TAFA1: variants seen among roughly 807,000 people sequenced by gnomAD.
The protein encoded by TAFA1 is chemokine-like protein TAFA-1.
A neutral mutation model predicts 18.5 loss-of-function variants in TAFA1; 4 were observed. That is an observed-to-expected ratio of 0.22 (90% CI 0.11 to 0.49). TAFA1 has a LOEUF of 0.49. Ranked by LOEUF, TAFA1 falls within the 20% of genes least tolerant of loss-of-function variation. The probability of loss-of-function intolerance (pLI) is 0.98; values close to 1 mark genes in which losing one functional copy is unlikely to be tolerated. For missense variants in TAFA1, 147 were observed against 169.0 expected, an observed-to-expected ratio of 0.87 and a Z score of 0.72; for synonymous variants, 56 against 55.2, an observed-to-expected ratio of 1.01 and a Z score of -0.06.
chr3:68,324,941 C>G (rs1476526280), intron 2 of TAFA1, among the ~76,000 whole-genome samples: 2 of 152,142 alleles, frequency 1.3e-5, no homozygotes, highest in African/African-American at 4.8e-5. Flanking sequence ...AAAGTTGTCT[C>G]ATTTTGCCAG....
At chr3:68,177,409 C>T (rs2066139481) in intron 2 of TAFA1, among the ~76,000 whole-genome samples, 1 of 152,146 alleles carries the variant, frequency 6.6e-6, no homozygotes, top group Admixed American at 6.5e-5. Context: ...GAAAAAAGTC[C>T]TGGAATTCTG....
At chr3:68,463,870 A>G (rs2071832787) in intron 3 of TAFA1, among the ~76,000 whole-genome samples, 1 of 152,164 alleles carries the variant, frequency 6.6e-6, no homozygotes, top group Admixed American at 6.6e-5. Flanking sequence ...AGCCATCTTG[A>G]GTAAAATGGA....
At chr3:68,157,492 A>G (rs1282400698) in intron 2 of TAFA1, among the ~76,000 whole-genome samples, 1 of 152,244 alleles carries the variant, frequency 6.6e-6, no homozygotes, top group Non-Finnish European at 1.5e-5. Flanking sequence ...CAGGAAAAAA[A>G]ATACAGTTTT....
chr3:68,128,484 G>A (rs544812951), intron 2 of TAFA1, among the ~76,000 whole-genome samples: 6 of 152,286 alleles, frequency 3.9e-5, no homozygotes, highest in African/African-American at 1.4e-4. Flanking sequence ...TGTTTTAAAG[G>A]TCAAAAACTG....
At chr3:68,400,447 C>A (rs2070465198) in intron 2 of TAFA1, among the ~76,000 whole-genome samples, 1 of 152,184 alleles carries the variant, frequency 6.6e-6, no homozygotes, top group Non-Finnish European at 1.5e-5. Context: ...TCTATACATA[C>A]AATGAAGATT....
intron 2 of TAFA1, among the ~76,000 whole-genome samples, chr3:68,116,726 A>G (rs1189431684): frequency 3.3e-5 from 5 of 152,172 alleles, no homozygotes; most frequent in Non-Finnish European, 1.5e-5. Context: ...AAGCTTCATG[A>G]AAACAAGGAC....
chr3:68,537,387 A>G (rs2073293448), intron 3 of TAFA1, among the ~76,000 whole-genome samples: 3 of 152,206 alleles, frequency 2.0e-5, no homozygotes, highest in African/African-American at 7.2e-5. Context: ...TTCATAAAGA[A>G]TGGGGACTCA....
At chr3:68,446,422 T>C (rs986805676) in intron 3 of TAFA1, among the ~76,000 whole-genome samples, 2 of 152,088 alleles carry the variant, frequency 1.3e-5, no homozygotes, top group Non-Finnish European at 2.9e-5. Flanking sequence ...ACAGCAAGAG[T>C]CCTGGCCCCC....
intron 2 of TAFA1, among the ~76,000 whole-genome samples, chr3:68,237,472 G>C (rs1279422582): frequency 6.6e-6 from 1 of 152,166 alleles, no homozygotes; most frequent in Non-Finnish European, 1.5e-5. Flanking sequence ...TGCTCAAGTA[G>C]ATAGTTGACT....
intron 2 of TAFA1, among the ~76,000 whole-genome samples, chr3:68,364,751 G>A (rs2069533990): frequency 6.6e-6 from 1 of 152,180 alleles, no homozygotes; most frequent in African/African-American, 2.4e-5. Context: ...TCCTTCATAT[G>A]TGCCAGGCAG....
chr3:68,077,569 C>T (rs1459717685), intron 2 of TAFA1, among the ~76,000 whole-genome samples: 2 of 151,192 alleles, frequency 1.3e-5, no homozygotes, highest in Admixed American at 6.6e-5. Flanking sequence ...ATAAGGAATC[C>T]TTTCCCCATT....
At chr3:68,406,713 G>C (rs1222675994) in intron 2 of TAFA1, among the ~76,000 whole-genome samples, 1 of 152,188 alleles carries the variant, frequency 6.6e-6, no homozygotes, top group East Asian at 1.9e-4. Flanking sequence ...ACAAAAATTT[G>C]AAGGCAGATC....
intron 2 of TAFA1, among the ~76,000 whole-genome samples, chr3:68,210,964 C>T (rs1454152992): frequency 2.0e-5 from 3 of 151,888 alleles, no homozygotes; most frequent in Non-Finnish European, 4.4e-5. Flanking sequence ...GCTAAGACAA[C>T]CCACACACTT....
At chr3:68,521,213 C>G (rs980199157) in intron 3 of TAFA1, among the ~76,000 whole-genome samples, 3 of 152,180 alleles carry the variant, frequency 2.0e-5, no homozygotes, top group Non-Finnish European at 4.4e-5. Context: ...AGCAGGAAAT[C>G]AAGACTTTTC....
intron 2 of TAFA1, among the ~76,000 whole-genome samples, chr3:68,196,752 A>G (rs1182947598): frequency 6.6e-6 from 1 of 151,720 alleles, no homozygotes; most frequent in Non-Finnish European, 1.5e-5. Context: ...GATGGCCACC[A>G]TCCATGCCTG....
chr3:68,444,771 AATAT>A (rs55684696), intron 3 of TAFA1, among the ~76,000 whole-genome samples: 8,911 of 126,566 alleles, frequency 0.07, 330 homozygotes, highest in South Asian at 0.11. Flanking sequence ...GTTTCTACAA[AATAT>A]ATATATATAT....
chr3:68,485,964 A>G (rs1048129701), intron 3 of TAFA1, among the ~76,000 whole-genome samples: 1 of 152,016 alleles, frequency 6.6e-6, no homozygotes, highest in Non-Finnish European at 1.5e-5. Flanking sequence ...TGTTCTCACT[A>G]TCACCTAGGC....
In TAFA1 at chr3:68,533,278, A is replaced by T. The variant is rs139993531; in HGVS notation, c.260-5478A>T. Among the ~76,000 whole-genome samples the T allele has an allele frequency of 4.9e-3, 747 of 152,252 alleles. 7 individuals are homozygous for T. The highest frequency in any genetic ancestry group is 0.017 in the African/African-American group (706 of 41,538). On this transcript the variant is annotated intron_variant, in intron 3 of 4. Transcript: ENST00000478136. ...ACAATCATGGCAGAAGGTGAAAAGC[A>T]CATCTTATATGGTGCTGGACAAGAA...
intron 2 of TAFA1, among the ~76,000 whole-genome samples, chr3:68,183,985 C>T (rs1374027800): frequency 1.3e-5 from 2 of 152,046 alleles, no homozygotes; most frequent in African/African-American, 4.8e-5. Context: ...AAAGATATTC[C>T]CCTTCATTAC....
Sources: allele counts gnomAD v4.1 joint callset (sites outside exome capture counted in the v4.1 genomes callset), GRCh38; gene constraint gnomAD v4.1.1; transcripts MANE v1.5; gene names NCBI Gene and HGNC (gene_info 2026-07-23, HGNC 2026-07-21).